Variants in SHOC2 observed in about 807,000 individuals in gnomAD.
SHOC2 encodes leucine-rich repeat protein SHOC-2.
Under a neutral mutation model 50.2 loss-of-function variants are expected in SHOC2, and 4 were observed. The ratio of observed to expected loss-of-function variants is 0.08; its 90% CI spans 0.04 to 0.18. The LOEUF is 0.18. Among genes scored for constraint, SHOC2 ranks in the 10% least tolerant of loss-of-function variants. The pLI is 1.00. For synonymous variants in SHOC2, 218 were observed against 244.5 expected (o/e 0.89, Z 1.01); for missense variants, 388 against 669.6 (o/e 0.58, Z 4.64).
intron 1 of SHOC2, among the ~76,000 whole-genome samples, chr10:110,944,384 C>CA (rs11386096): frequency 0.92 from 124,531 of 136,012 alleles, 56,976 homozygotes; most frequent in Admixed American, 0.94. Flanking sequence ...ATCTTTGAGC[C>CA]AAAAAAAAAA....
At chr10:110,949,740 A>G (rs1847314713) in intron 1 of SHOC2, among the ~76,000 whole-genome samples, 1 of 152,242 alleles carries the variant, frequency 6.6e-6, no homozygotes, top group South Asian at 2.1e-4. Context: ...CACAGTGAGC[A>G]AGTGGGATTT....
intron 6 of SHOC2, among the ~76,000 whole-genome samples, chr10:111,008,637 T>C (rs1005786793): frequency 2.0e-5 from 3 of 152,114 alleles, no homozygotes; most frequent in Non-Finnish European, 4.4e-5. Flanking sequence ...TCTTACTGTA[T>C]ATATTTATTA....
intron 3 of SHOC2, among the ~76,000 whole-genome samples, chr10:110,991,577 A>G (rs1230989709): frequency 1.3e-5 from 2 of 152,228 alleles, no homozygotes; most frequent in African/African-American, 4.8e-5. Flanking sequence ...ATATTTATTG[A>G]AACTTTTTAT....
At position 110,991,183 on chromosome 10, in the gene SHOC2, G is replaced by A. The variant is rs118017860; in HGVS notation, c.841+5418G>A. On this transcript the variant is annotated intron_variant, in intron 3 of 8. Coordinates refer to ENST00000369452, the MANE Select transcript of SHOC2 (RefSeq NM_007373.4). ...TGTTAAATAACAGTCAAAGGGGCAT[G>A]CGATTAAAGTACTGAAATGAATAAT... Among the ~76,000 whole-genome samples, 655 of 152,266 alleles carry A rather than the reference G, an allele frequency of 4.3e-3. 1 individual carries two copies. The highest frequency in any genetic ancestry group is 6.8e-3 in the South Asian group (33 of 4,824).
chr10:110,964,530 A>C lies in SHOC2; in HGVS notation c.172A>C (p.Ser58Arg). Residue 58 changes from serine (S) to arginine (R), a missense_variant, in exon 2 of 9, where the codon AGT (serine) becomes CGT (arginine). Ser to Arg is a moderately radical substitution (Grantham distance 110, BLOSUM62 -1). Around this residue, in one of 5 missense-constraint regions of SHOC2, gnomAD observed 121 missense variants for 145.5 expected, o/e 0.83. Coordinates refer to ENST00000369452, the MANE Select transcript of SHOC2 (RefSeq NM_007373.4). This position sits in a 1 kb window ranked among gnomAD's most constrained non-coding sequence, Gnocchi z 4.9. ...KDAKDGKKDS[S>R]AAQPGVAFSV... ...TGCCAAAGATGGAAAGAAGGACTCC[A>C]GTGCTGCCCAACCAGGGGTGGCATT... is the stretch of plus-strand genomic sequence containing the variant. The C allele has an allele frequency of 6.2e-7, 1 of 1,614,124 alleles. No homozygotes were observed. Among genetic ancestry groups the C allele is most frequent in the Non-Finnish European group, 8.5e-7 (1 of 1,180,008 alleles).
chr10:110,976,725 G>A (rs1847884993), intron 2 of SHOC2, among the ~76,000 whole-genome samples: 1 of 152,116 alleles, frequency 6.6e-6, no homozygotes. Context: ...AGCTTGCCTA[G>A]TTTTTGACAA....
intron 1 of SHOC2, among the ~76,000 whole-genome samples, chr10:110,942,141 T>C (rs74156318): frequency 3.3e-4 from 23 of 69,270 alleles, no homozygotes; most frequent in African/African-American, 1.1e-3. Flanking sequence ...TCTGGCTCTT[T>C]GAGTTACGCA....
intron 1 of SHOC2, among the ~76,000 whole-genome samples, chr10:110,933,859 T>C (rs1846942679): frequency 6.6e-6 from 1 of 152,166 alleles, no homozygotes. Context: ...GTGATGCCCA[T>C]ATCTTTTGAT....
chr10:110,948,863 G>C (rs1028187456), intron 1 of SHOC2, among the ~76,000 whole-genome samples: 21 of 152,174 alleles, frequency 1.4e-4, no homozygotes, highest in Non-Finnish European at 2.5e-4. Context: ...ATGCAGCCCA[G>C]GATGGCTTTG....
Position 110,938,489 on chromosome 10 carries a change from A to G in SHOC2, c.-235+18832A>G, listed in dbSNP as rs376344585. 6.0e-4 allele frequency among the ~76,000 whole-genome samples: 92 copies of G among 152,258 alleles called. No individual in the cohort carries two copies. In the South Asian group the frequency reaches 0.013, roughly 21 times the overall value. Reference sequence around the variant, plus strand: ...AATTTATAATAATAAAATTTGATCAATGTTTTAATTTGATAATAGTGCCTA... The same window carrying G: ...AATTTATAATAATAAAATTTGATCAGTGTTTTAATTTGATAATAGTGCCTA... On this transcript the variant is annotated intron_variant, in intron 1 of 8. Coordinates refer to ENST00000369452, the MANE Select transcript of SHOC2 (RefSeq NM_007373.4).
chr10:110,920,766 T>A (rs1282323812), intron 1 of SHOC2, among the ~76,000 whole-genome samples: 2 of 152,180 alleles, frequency 1.3e-5, no homozygotes, highest in Non-Finnish European at 2.9e-5. Flanking sequence ...CAAAGAAATA[T>A]TTTCGAAGTC....
intron 1 of SHOC2, among the ~76,000 whole-genome samples, chr10:110,936,392 C>T (rs565372829): frequency 1.3e-5 from 2 of 151,990 alleles, no homozygotes; most frequent in South Asian, 2.1e-4. Flanking sequence ...CGTGAGCCAC[C>T]GCACCCAGCC....
chr10:110,922,743 C>G (rs1033325182), intron 1 of SHOC2, among the ~76,000 whole-genome samples: 2 of 151,956 alleles, frequency 1.3e-5, no homozygotes, highest in Non-Finnish European at 2.9e-5. Flanking sequence ...AGATTTATAA[C>G]TTAGACTTGG....
chr10:110,923,490 A>G (rs931934770), intron 1 of SHOC2, among the ~76,000 whole-genome samples: 3 of 152,170 alleles, frequency 2.0e-5, no homozygotes, highest in African/African-American at 7.2e-5. Flanking sequence ...AGGATATTTT[A>G]ATTACCAATG....
intron 2 of SHOC2, among the ~76,000 whole-genome samples, chr10:110,968,258 G>A (rs1474444309): frequency 2.0e-5 from 3 of 151,952 alleles, no homozygotes; most frequent in Non-Finnish European, 4.4e-5. Context: ...TTATTGTAAC[G>A]GAAAGACAGA....
chr10:110,919,904 A>C (rs975016518), intron 1 of SHOC2: 9 of 311,048 alleles, frequency 2.9e-5, no homozygotes, highest in African/African-American at 1.8e-4. Flanking sequence ...GGGAGCCTGC[A>C]GCCCGGCGCG....
At chr10:110,982,004 C>G (rs7093221) in intron 2 of SHOC2, among the ~76,000 whole-genome samples, 2 of 103,690 alleles carry the variant, frequency 1.9e-5, no homozygotes, top group Non-Finnish European at 3.9e-5. Context: ...ATCCCTCCCC[C>G]CTCCCCCCAC....
chr10:110,993,636 C>G (rs996517809), intron 3 of SHOC2, among the ~76,000 whole-genome samples: 1 of 152,048 alleles, frequency 6.6e-6, no homozygotes, highest in Non-Finnish European at 1.5e-5. Flanking sequence ...GGTTTTGGTA[C>G]TAGATAATGT....
intron 2 of SHOC2, among the ~76,000 whole-genome samples, chr10:110,971,348 G>T (rs1171660189): frequency 1.3e-5 from 2 of 151,992 alleles, no homozygotes; most frequent in African/African-American, 2.4e-5. Context: ...CCTTTATCAA[G>T]TATCAGTTGG....
Sources: allele counts gnomAD v4.1 joint callset (sites outside exome capture counted in the v4.1 genomes callset), GRCh38; gene constraint gnomAD v4.1.1; regional missense constraint gnomAD v4.1.1; non-coding constraint Gnocchi (gnomAD v3.1); transcripts MANE v1.5; gene names NCBI Gene and HGNC (gene_info 2026-07-23, HGNC 2026-07-21).